The following GNG12 variants were observed in gnomAD, a reference collection of about 807,000 sequenced individuals.
The protein encoded by GNG12 is guanine nucleotide-binding protein G(I)/G(S)/G(O) subunit gamma-12.
For missense variants in GNG12, 69 were observed against 83.8 expected, an observed-to-expected ratio of 0.82 and a Z score of 0.69; for synonymous variants, 28 against 29.7, an observed-to-expected ratio of 0.94 and a Z score of 0.19.
At chr1:67,818,139 G>C (rs752142476) in intron 1 of GNG12, among the ~76,000 whole-genome samples, 1 of 143,544 alleles carries the variant, frequency 7.0e-6, no homozygotes, top group Non-Finnish European at 1.6e-5. Context: ...ACTAGGCTTC[G>C]ACAGACTGGT....
chr1:67,781,990 C>G (rs1332823817), intron 1 of GNG12, among the ~76,000 whole-genome samples: 2 of 152,058 alleles, frequency 1.3e-5, no homozygotes, highest in Non-Finnish European at 2.9e-5. Flanking sequence ...AAACTCACTT[C>G]CCCAGTTGTA....
At chr1:67,754,976 G>A (rs1646559738) in intron 2 of GNG12, among the ~76,000 whole-genome samples, 1 of 152,258 alleles carries the variant, frequency 6.6e-6, no homozygotes, top group Non-Finnish European at 1.5e-5. Flanking sequence ...GACCACTTCT[G>A]AGTGTTTAGT....
chr1:67,792,153 C>T (rs759116587), intron 1 of GNG12, among the ~76,000 whole-genome samples: 1 of 152,174 alleles, frequency 6.6e-6, no homozygotes, highest in Non-Finnish European at 1.5e-5. Flanking sequence ...TTCCCCCTTC[C>T]TGGCACTCTA....
intron 1 of GNG12, among the ~76,000 whole-genome samples, chr1:67,789,675 C>A (rs999586731): frequency 4.0e-5 from 6 of 149,606 alleles, no homozygotes; most frequent in Non-Finnish European, 8.8e-5. Context: ...CAGAGTCAGG[C>A]GGCACAATCG....
At chr1:67,819,962 G>T (rs1646975895) in intron 1 of GNG12, among the ~76,000 whole-genome samples, 1 of 151,912 alleles carries the variant, frequency 6.6e-6, no homozygotes, top group Non-Finnish European at 1.5e-5. Flanking sequence ...CCCCTGCTTT[G>T]CTACCTTCAC....
intron 2 of GNG12, among the ~76,000 whole-genome samples, chr1:67,739,105 G>C (rs1444845870): frequency 6.6e-6 from 1 of 152,154 alleles, no homozygotes; most frequent in African/African-American, 2.4e-5. Flanking sequence ...CTTGAACCTA[G>C]GAGGCGGAGG....
At chr1:67,801,962 A>G (rs1218221486) in intron 1 of GNG12, among the ~76,000 whole-genome samples, 1 of 151,876 alleles carries the variant, frequency 6.6e-6, no homozygotes, top group Non-Finnish European at 1.5e-5. Context: ...AAGGGGGGTG[A>G]GGAAGAAAAA....
intron 2 of GNG12, among the ~76,000 whole-genome samples, chr1:67,721,244 G>A (rs1646354528): frequency 1.3e-5 from 2 of 152,168 alleles, no homozygotes; most frequent in Non-Finnish European, 2.9e-5. Context: ...CAGGACACAG[G>A]TTCACAGTAC....
chr1:67,752,186 T>C (rs1646543100), intron 2 of GNG12, among the ~76,000 whole-genome samples: 1 of 152,198 alleles, frequency 6.6e-6, no homozygotes, highest in African/African-American at 2.4e-5. Context: ...TAACGTATAC[T>C]CCTTCACTCT....
intron 2 of GNG12, among the ~76,000 whole-genome samples, chr1:67,765,886 C>T (rs1051670229): frequency 6.6e-6 from 1 of 151,986 alleles, no homozygotes. Flanking sequence ...CTGCCACAAC[C>T]CCAAGGAGTG....
At chr1:67,733,957 T>C (rs755392242) in intron 2 of GNG12, among the ~76,000 whole-genome samples, 4 of 152,092 alleles carry the variant, frequency 2.6e-5, no homozygotes, top group South Asian at 2.1e-4. Context: ...GTTCAGTGAG[T>C]GTGCAATGCT....
At chr1:67,725,910 C>T (rs563541412) in intron 2 of GNG12, among the ~76,000 whole-genome samples, 1 of 152,212 alleles carries the variant, frequency 6.6e-6, no homozygotes, top group Non-Finnish European at 1.5e-5. Context: ...TTGAGTCAAA[C>T]AAAACATGAC....
intron 1 of GNG12, among the ~76,000 whole-genome samples, chr1:67,786,935 A>ATGTGTGTG (rs60096043): frequency 2.4e-3 from 319 of 133,420 alleles, no homozygotes; most frequent in Middle Eastern, 0.011. Context: ...TTATATATAT[A>ATGTGTGTG]TGTGTGTGTG....
At chr1:67,805,186 C>T (rs1038807243) in intron 1 of GNG12, among the ~76,000 whole-genome samples, 4 of 152,134 alleles carry the variant, frequency 2.6e-5, no homozygotes, top group Admixed American at 6.6e-5. Context: ...TCAGATCTAA[C>T]CACAGAGGTA....
chr1:67,714,850 C>G (rs553491844), intron 2 of GNG12, among the ~76,000 whole-genome samples: 1 of 152,032 alleles, frequency 6.6e-6, no homozygotes, highest in African/African-American at 2.4e-5. Context: ...CTTATGAGAA[C>G]GAGAAATTTG....
At chr1:67,742,692 A>T (rs1013738056) in intron 2 of GNG12, among the ~76,000 whole-genome samples, 8 of 152,212 alleles carry the variant, frequency 5.3e-5, no homozygotes, top group African/African-American at 1.9e-4. Context: ...TAAAGTCACT[A>T]AATTTCAGTG....
chr1:67,790,171 A>T (rs1402735651), intron 1 of GNG12, among the ~76,000 whole-genome samples: 2 of 152,194 alleles, frequency 1.3e-5, no homozygotes, highest in Non-Finnish European at 2.9e-5. Context: ...GAAAACCAGC[A>T]TATCCAGTAC....
At chr1:67,720,379 CAT>C (rs1419933876) in intron 2 of GNG12, among the ~76,000 whole-genome samples, 1 of 152,210 alleles carries the variant, frequency 6.6e-6, no homozygotes, top group African/African-American at 2.4e-5. Context: ...AACACACAGA[CAT>C]GTGTTTACAG....
At chr1:67,772,361 T>C (rs1646679875) in intron 2 of GNG12, among the ~76,000 whole-genome samples, 1 of 152,156 alleles carries the variant, frequency 6.6e-6, no homozygotes, top group Non-Finnish European at 1.5e-5. Context: ...TCCTTATTGG[T>C]AGTCTGGATC....
Sources: allele counts gnomAD v4.1 joint callset (sites outside exome capture counted in the v4.1 genomes callset), GRCh38; gene constraint gnomAD v4.1.1; transcripts MANE v1.5; gene names NCBI Gene and HGNC (gene_info 2026-07-23, HGNC 2026-07-21).